IGSF11: variants seen among roughly 807,000 people sequenced by gnomAD.
IGSF11 encodes the protein immunoglobulin superfamily member 11, also known as CXADR like 1.
IGSF11 carries 22 observed loss-of-function variants against 41.0 expected under a neutral mutation model. The observed-to-expected ratio is 0.54, with a 90% CI of 0.38 to 0.77. The LOEUF is 0.77. Among genes scored for constraint, IGSF11 ranks in the 30% least tolerant of loss-of-function variants. IGSF11 has a pLI of 0.00. For synonymous variants in IGSF11, 219 were observed against 201.3 expected (o/e 1.09, Z -0.74); for missense variants, 444 against 530.8 (o/e 0.84, Z 1.61).
intron 1 of IGSF11, among the ~76,000 whole-genome samples, chr3:118,940,205 A>T (rs1943578659): frequency 6.6e-6 from 1 of 152,150 alleles, no homozygotes; most frequent in Non-Finnish European, 1.5e-5. Context: ...CAAGAATAAG[A>T]ATTAAAAGAC....
intron 1 of IGSF11, among the ~76,000 whole-genome samples, chr3:119,004,024 G>T (rs1448031536): frequency 9.2e-5 from 14 of 152,126 alleles, no homozygotes; most frequent in South Asian, 4.2e-4. Context: ...ATTGGAATAG[G>T]TTCAGAAGGA....
chr3:118,999,578 T>C (rs1399471215), intron 1 of IGSF11, among the ~76,000 whole-genome samples: 1 of 152,206 alleles, frequency 6.6e-6, no homozygotes, highest in Non-Finnish European at 1.5e-5. Flanking sequence ...GTTCTTGACA[T>C]ATCCTTGTAA....
Position 118,916,116 on chromosome 3 carries a change from T to G in IGSF11, c.580+9985A>C, listed in dbSNP as rs965228734. Among the ~76,000 whole-genome samples the G allele has an allele frequency of 8.3e-4, 124 of 149,918 alleles. 1 individual carries two copies. The highest frequency in any genetic ancestry group is 3.0e-3 in the African/African-American group (121 of 40,136). On this transcript the variant is annotated intron_variant, in intron 4 of 6. Transcript: ENST00000393775. ...GAGCTCCTGAAGGAAGCGCTAAACA[T>G]GGAAAGGAACAACCGGTAGCAGCCG...
intron 1 of IGSF11, among the ~76,000 whole-genome samples, chr3:119,094,223 T>TTAAAAAAAAAAAAAAAAA (rs1491294473): frequency 5.7e-5 from 2 of 35,074 alleles, no homozygotes; most frequent in African/African-American, 8.0e-5. Flanking sequence ...CATAGCGAAG[T>TTAAAAAAAAAAAAAAAAA]AAAAAAAAAA....
Position 119,001,933 on chromosome 3 carries a change from A to C in IGSF11, c.52+32598T>G, listed in dbSNP as rs1296887739. Reference sequence around the variant, plus strand: ...TGTGAATAATGCCGCAATAAACATAAGTGTGCATGTGTCTTTATAGCAGCA... The same window carrying C: ...TGTGAATAATGCCGCAATAAACATACGTGTGCATGTGTCTTTATAGCAGCA... On this transcript the variant is annotated intron_variant, in intron 1 of 6. Transcript: ENST00000393775. 4.5e-3 allele frequency among the ~76,000 whole-genome samples: 605 copies of C among 135,904 alleles called. 2 individuals carry two copies. The highest frequency in any genetic ancestry group is 7.3e-3 in the Non-Finnish European group (471 of 64,474). 89.2% of individuals were successfully genotyped at this position (135,904 alleles called of 152,430 possible). A position where few individuals can be genotyped will look rare whatever the true frequency, so the allele number is the denominator to read the frequency against.
At chr3:119,118,188 C>G (rs1333171668) in intron 1 of IGSF11, among the ~76,000 whole-genome samples, 4 of 152,246 alleles carry the variant, frequency 2.6e-5, no homozygotes, top group African/African-American at 9.6e-5. Flanking sequence ...TGTGGAGGCT[C>G]TGACCCCACA....
In IGSF11 at chr3:118,988,395, C is replaced by A. The variant is rs78539648; in HGVS notation, c.52+46136G>T. On this transcript the variant is annotated intron_variant, in intron 1 of 6. Transcript: ENST00000393775. ...GACACATGTTAAAAAGGGAGTATGA[C>A]CTGCCCAGAGTCATACAGTTAGTTG... is the stretch of plus-strand genomic sequence containing the variant. 3.1e-3 allele frequency among the ~76,000 whole-genome samples: 479 copies of A among 152,230 alleles called. 2 individuals carry two copies. Among genetic ancestry groups the A allele is most frequent in the African/African-American group, 0.01 (419 of 41,518 alleles).
chr3:119,046,432 A>G (rs1244993841), intron 1 of IGSF11, among the ~76,000 whole-genome samples: 2 of 152,282 alleles, frequency 1.3e-5, no homozygotes, highest in South Asian at 2.1e-4. Context: ...ACCAAGAAGG[A>G]AAGTTTAGAG....
At chr3:118,972,992 T>C (rs766149865) in intron 1 of IGSF11, among the ~76,000 whole-genome samples, 3 of 152,220 alleles carry the variant, frequency 2.0e-5, no homozygotes, top group Admixed American at 6.5e-5. Context: ...TCTACGTGGC[T>C]GTTTCCACCG....
intron 1 of IGSF11, among the ~76,000 whole-genome samples, chr3:119,121,999 T>C (rs1402556875): frequency 6.6e-6 from 1 of 152,194 alleles, no homozygotes; most frequent in Non-Finnish European, 1.5e-5. Flanking sequence ...TGAAGCAAGA[T>C]GGTGGAGTAG....
At chr3:119,059,262 G>T (rs1040645305) in intron 1 of IGSF11, among the ~76,000 whole-genome samples, 1 of 151,920 alleles carries the variant, frequency 6.6e-6, no homozygotes, top group Non-Finnish European at 1.5e-5. Flanking sequence ...GGCATTCACA[G>T]TAACCTGGAT....
At chr3:119,014,734 C>G (rs1938501946) in intron 1 of IGSF11, among the ~76,000 whole-genome samples, 1 of 152,070 alleles carries the variant, frequency 6.6e-6, no homozygotes, top group African/African-American at 2.4e-5. Context: ...AGGATAGAAG[C>G]AGGAGGAAAG....
At position 119,034,535 on chromosome 3, in the gene IGSF11, C is replaced by T. The variant is rs1940746278; in HGVS notation, c.48G>A (p.Leu16=). ...GAAAGGGCTGGAGCTACTCACCGTGCAGAGAGAGGAGCAGCAAAGGCGCCA... is the reference window on the plus strand; with the variant it reads ...GAAAGGGCTGGAGCTACTCACCGTGTAGAGAGAGGAGCAGCAAAGGCGCCA... ...SPLAPLLLLS[L]HGVAASLEVS... The change falls in exon 1 of 7, where the codon CTG becomes CTA. Residue 16 remains leucine (L), a synonymous_variant. Transcript: ENST00000393775. 6.3e-7 allele frequency: 1 copy of T among 1,586,680 alleles called. No homozygotes were observed. The highest frequency in any genetic ancestry group is 8.6e-7 in the Non-Finnish European group (1 of 1,167,420).
chr3:118,995,460 T>G (rs982196263), intron 1 of IGSF11, among the ~76,000 whole-genome samples: 2 of 152,064 alleles, frequency 1.3e-5, no homozygotes, highest in African/African-American at 4.8e-5. Flanking sequence ...AACGGAAGAC[T>G]GGAGATTAAT....
chr3:119,073,328 CG>C (rs1464975843), intron 1 of IGSF11, among the ~76,000 whole-genome samples: 5 of 152,212 alleles, frequency 3.3e-5, no homozygotes, highest in Non-Finnish European at 7.3e-5. Flanking sequence ...GGAGCCCAGC[CG>C]GCTTTGCCTA....
chr3:118,961,520 ATAAAT>A (rs1307615738), intron 1 of IGSF11, among the ~76,000 whole-genome samples: 3 of 152,244 alleles, frequency 2.0e-5, no homozygotes, highest in African/African-American at 4.8e-5. Context: ...AAGTCTCAAA[ATAAAT>A]TAATTAACCA....
At chr3:119,040,907 A>C (rs553498025) in intron 1 of IGSF11, among the ~76,000 whole-genome samples, 6 of 152,380 alleles carry the variant, frequency 3.9e-5, no homozygotes, top group African/African-American at 1.4e-4. Flanking sequence ...AATTCTAAAT[A>C]ATTCAAAATC....
intron 1 of IGSF11, among the ~76,000 whole-genome samples, chr3:119,071,925 A>G (rs553829524): frequency 6.6e-6 from 1 of 152,156 alleles, no homozygotes; most frequent in African/African-American, 2.4e-5. Context: ...GTTAATTTGG[A>G]TTGTCATATT....
chr3:119,133,344 G>A (rs2077511202), intron 1 of IGSF11, among the ~76,000 whole-genome samples: 2 of 152,060 alleles, frequency 1.3e-5, no homozygotes, highest in African/African-American at 2.4e-5. Context: ...GAAGAAAAGA[G>A]AGAAGAATCA....
Sources: allele counts gnomAD v4.1 joint callset (sites outside exome capture counted in the v4.1 genomes callset), GRCh38; gene constraint gnomAD v4.1.1; transcripts MANE v1.5; gene names NCBI Gene and HGNC (gene_info 2026-07-23, HGNC 2026-07-21).